Variants in SNX29 observed in about 807,000 individuals in gnomAD.
SNX29 encodes sorting nexin-29.
SNX29 carries 78 observed loss-of-function variants against 102.1 expected under a neutral mutation model. The observed-to-expected ratio is 0.76, with a 90% CI of 0.64 to 0.92. SNX29 has a LOEUF of 0.92. Ranked by LOEUF, SNX29 falls within the 40% of genes least tolerant of loss-of-function variation. SNX29 has a pLI of 0.00. For missense variants in SNX29, 1,280 were observed against 1,061.7 expected, an observed-to-expected ratio of 1.21 and a Z score of -2.86; for synonymous variants, 580 against 414.5, an observed-to-expected ratio of 1.40 and a Z score of -4.85.
chr16:12,475,662 AAGC>A (rs2087558536), intron 18 of SNX29, among the ~76,000 whole-genome samples: 1 of 152,262 alleles, frequency 6.6e-6, no homozygotes, highest in Non-Finnish European at 1.5e-5. Flanking sequence ...ATCTAACACA[AAGC>A]CTATTCTATA....
intron 20 of SNX29, among the ~76,000 whole-genome samples, chr16:12,550,690 T>C (rs898029424): frequency 6.6e-6 from 1 of 152,224 alleles, no homozygotes; most frequent in African/African-American, 2.4e-5. Flanking sequence ...CTTTTTCATG[T>C]ATTCACCCCC....
chr16:12,548,778 C>T (rs1037010386), intron 20 of SNX29, among the ~76,000 whole-genome samples: 7 of 152,208 alleles, frequency 4.6e-5, no homozygotes, highest in East Asian at 1.9e-4. Flanking sequence ...CCCCCAGCCA[C>T]CACAGTGCTG....
chr16:12,337,197 C>T (rs532554160), intron 15 of SNX29, among the ~76,000 whole-genome samples: 1 of 152,252 alleles, frequency 6.6e-6, no homozygotes, highest in South Asian at 2.1e-4. Context: ...GGTTTGTCTT[C>T]CCTCCAGAGG....
chr16:12,494,504 G>C (rs923780934), intron 19 of SNX29, among the ~76,000 whole-genome samples: 1 of 152,126 alleles, frequency 6.6e-6, no homozygotes, highest in African/African-American at 2.4e-5. Flanking sequence ...CTTGCATCCA[G>C]AGTAAACCCA....
chr16:12,427,867 G>A (rs907597818), intron 18 of SNX29, among the ~76,000 whole-genome samples: 19 of 152,354 alleles, frequency 1.2e-4, no homozygotes, highest in African/African-American at 4.3e-4. Context: ...AACCTTCTGA[G>A]GGCAAGTTCC....
chr16:12,328,591 C>T (rs1365352010), intron 15 of SNX29, among the ~76,000 whole-genome samples: 1 of 152,090 alleles, frequency 6.6e-6, no homozygotes, highest in Non-Finnish European at 1.5e-5. Flanking sequence ...CCCCAGAGGC[C>T]TTGGTTCTCT....
chr16:12,269,900 G>A lies in SNX29; in HGVS notation c.1679-8033G>A, dbSNP rs575185911. Among the ~76,000 whole-genome samples the A allele has an allele frequency of 3.3e-5, 5 of 151,868 alleles. No homozygotes were observed. In the South Asian group the frequency reaches 1.0e-3, roughly 32 times the overall value. ...ATTTGAGATGGGGTCTCACTCTGTT[G>A]CCCAGGCTGGAGTGCAGTGGTGCGA... On this transcript the variant is annotated intron_variant, in intron 14 of 20. Coordinates refer to ENST00000566228, the MANE Select transcript of SNX29 (RefSeq NM_032167.5).
chr16:12,292,843 G>T (rs1237411033), intron 15 of SNX29, among the ~76,000 whole-genome samples: 1 of 152,172 alleles, frequency 6.6e-6, no homozygotes, highest in Non-Finnish European at 1.5e-5. Flanking sequence ...AGGCACAGTG[G>T]CTCTAGTGTT....
At chr16:12,447,798 C>T (rs986537369) in intron 18 of SNX29, among the ~76,000 whole-genome samples, 17 of 152,284 alleles carry the variant, frequency 1.1e-4, no homozygotes, top group African/African-American at 3.6e-4. Context: ...CCCACAAAAG[C>T]GGGAACAGCC....
rs184196210 is a variant in SNX29, at chr16:12,001,063, A to T, written c.69+1705A>T. Among the ~76,000 whole-genome samples the T allele has an allele frequency of 2.2e-3, 338 of 152,270 alleles. 5 individuals are homozygous for T. The highest frequency in any genetic ancestry group is 7.2e-3 in the South Asian group (35 of 4,832). ...ATAAGGCGAAGAGGCAAGTTGAACTACTTTAAAGGTAGCAGTTAGAGAGAA... is the reference window on the plus strand; with the variant it reads ...ATAAGGCGAAGAGGCAAGTTGAACTTCTTTAAAGGTAGCAGTTAGAGAGAA... On this transcript the variant is annotated intron_variant, in intron 2 of 20. Coordinates refer to ENST00000566228, the MANE Select transcript of SNX29 (RefSeq NM_032167.5).
rs991120742 is a variant in SNX29, at chr16:12,571,954, C to T, written c.*3325C>T. On this transcript the variant is annotated 3_prime_UTR_variant, in exon 21 of 21. Coordinates refer to ENST00000566228, the MANE Select transcript of SNX29 (RefSeq NM_032167.5). Reference sequence around the variant, plus strand: ...GGAAGACACTTTCAGGGAAGAGGCTCTTACAGTCTATGGTGGTAGCCATCT... The same window carrying T: ...GGAAGACACTTTCAGGGAAGAGGCTTTTACAGTCTATGGTGGTAGCCATCT... The T allele has an allele frequency of 5.0e-5, 53 of 1,061,852 alleles. No individual in the cohort carries two copies. In the South Asian group the frequency reaches 6.8e-4, roughly 14 times the overall value. 65.8% of individuals were successfully genotyped at this position (1,061,852 alleles called of 1,614,324 possible). A position where few individuals can be genotyped will look rare whatever the true frequency, so the allele number is the denominator to read the frequency against.
intron 20 of SNX29, among the ~76,000 whole-genome samples, chr16:12,557,949 G>A (rs965638012): frequency 1.3e-5 from 2 of 152,142 alleles, no homozygotes; most frequent in Non-Finnish European, 2.9e-5. Context: ...TTCACCGCTT[G>A]CCCTGTCTTC....
At chr16:12,012,654 G>A (rs1459363851) in intron 3 of SNX29, among the ~76,000 whole-genome samples, 10 of 151,990 alleles carry the variant, frequency 6.6e-5, no homozygotes, top group Non-Finnish European at 1.0e-4. Context: ...TGATCTGCCC[G>A]CCTCGGCCTC....
At chr16:12,049,255 G>A (rs970730754) in intron 7 of SNX29, among the ~76,000 whole-genome samples, 14 of 152,084 alleles carry the variant, frequency 9.2e-5, no homozygotes, top group Non-Finnish European at 1.8e-4. Context: ...TTGGGAGGCC[G>A]AGGCAGGAGG....
intron 14 of SNX29, among the ~76,000 whole-genome samples, chr16:12,257,236 C>G (rs897199532): frequency 1.3e-5 from 2 of 152,188 alleles, no homozygotes; most frequent in Non-Finnish European, 2.9e-5. Context: ...CCTTTTCATT[C>G]TTGGAATCCG....
intron 15 of SNX29, among the ~76,000 whole-genome samples, chr16:12,331,491 C>T (rs181313806): frequency 2.8e-4 from 43 of 152,276 alleles, no homozygotes; most frequent in Non-Finnish European, 5.1e-4. Context: ...GGGCATGTTC[C>T]TTAATGTCTC....
intron 16 of SNX29, among the ~76,000 whole-genome samples, chr16:12,382,070 C>A (rs962553921): frequency 1.3e-5 from 2 of 152,040 alleles, no homozygotes; most frequent in African/African-American, 4.8e-5. Context: ...TCTGAAATGA[C>A]CACCCCTGCC....
At position 12,362,169 on chromosome 16, in the gene SNX29, A is replaced by G. The variant is rs528843151; in HGVS notation, c.1899+5890A>G. Among the ~76,000 whole-genome samples the G allele has an allele frequency of 1.2e-4, 18 of 152,324 alleles. No homozygotes were observed. In the South Asian group the frequency reaches 3.5e-3, roughly 30 times the overall value. ...TGTTCCCTTGAACTGACAAAACCGT[A>G]ATGGATTTCCCCAGGTCCCTGTTGG... On this transcript the variant is annotated intron_variant, in intron 16 of 20. Transcript: ENST00000566228.
chr16:12,022,710 T>C (rs1361656417), intron 3 of SNX29, among the ~76,000 whole-genome samples: 1 of 152,188 alleles, frequency 6.6e-6, no homozygotes, highest in Non-Finnish European at 1.5e-5. Context: ...TATGTCCTGA[T>C]AATCCTATTG....
Sources: allele counts gnomAD v4.1 joint callset (sites outside exome capture counted in the v4.1 genomes callset), GRCh38; gene constraint gnomAD v4.1.1; transcripts MANE v1.5; gene names NCBI Gene and HGNC (gene_info 2026-07-23, HGNC 2026-07-21).